Variants in PTPRA observed in about 807,000 individuals in gnomAD.
PTPRA encodes receptor-type tyrosine-protein phosphatase alpha.
PTPRA carries 25 observed loss-of-function variants against 104.8 expected under a neutral mutation model. That is an observed-to-expected ratio of 0.24 (90% CI 0.17 to 0.33). PTPRA has a LOEUF of 0.33. PTPRA is among the 10% of genes least tolerant of loss of function. PTPRA has a pLI of 1.00. For missense variants in PTPRA, 765 were observed against 1,015.3 expected (o/e 0.75, Z 3.35); for synonymous variants, 323 against 368.9 (o/e 0.88, Z 1.43).
At chr20:3,019,225 G>C (rs1353986168) in intron 13 of PTPRA, among the ~76,000 whole-genome samples, 2 of 145,252 alleles carry the variant, frequency 1.4e-5, no homozygotes, top group Non-Finnish European at 3.0e-5. Context: ...CCTCCCTCCC[G>C]GACGGGGCGG....
intron 3 of PTPRA, among the ~76,000 whole-genome samples, chr20:2,963,110 G>C (rs1316127883): frequency 6.6e-6 from 1 of 152,098 alleles, no homozygotes. Context: ...GGTTCGAGGT[G>C]GAATAAAGGT....
intron 9 of PTPRA, among the ~76,000 whole-genome samples, chr20:3,003,322 C>T (rs1349160808): frequency 6.6e-6 from 1 of 152,136 alleles, no homozygotes; most frequent in Non-Finnish European, 1.5e-5. Context: ...TGTTCCTCTA[C>T]TGCTGAATAC....
Position 3,032,887 on chromosome 20 carries a change from T to C in PTPRA, c.1921-2698T>C, listed in dbSNP as rs778419651. Among the ~76,000 whole-genome samples the C allele has an allele frequency of 3.7e-4, 56 of 150,906 alleles. 2 individuals carry two copies. The highest frequency in any genetic ancestry group is 6.4e-4 in the Non-Finnish European group (43 of 67,658). On this transcript the variant is annotated intron_variant, in intron 20 of 23. Coordinates refer to ENST00000399903, the MANE Select transcript of PTPRA (RefSeq NM_001385305.1). ...CACCAGTGACTGTCCTCTTGCCAAATCCAAAGGTCATTTCTCTTTTCTGAT... is the reference window on the plus strand; with the variant it reads ...CACCAGTGACTGTCCTCTTGCCAAACCCAAAGGTCATTTCTCTTTTCTGAT...
chr20:2,865,293 G>T, the PTPRA span: 1 of 1,614,118 alleles, frequency 6.2e-7, no homozygotes, highest in East Asian at 2.2e-5. This position sits in a 1 kb window ranked among gnomAD's most constrained non-coding sequence, Gnocchi z 5.2. Context: ...CAGCTGGCAC[G>T]TGACTTCCGC....
chr20:2,873,955 C>T lies in PTPRA; in HGVS notation c.-129+195C>T, dbSNP rs1600030673. On this transcript the variant is annotated intron_variant, in intron 1 of 23. Transcript: ENST00000399903. The surrounding 1 kb of genome is among the most constrained non-coding windows in gnomAD (Gnocchi z 4.4). ...GGGTCCGTCGCGGGGAGGGGGTCCC[C>T]GGAAACGTGCCGGCCCGAGTGCCGA... Among the ~76,000 whole-genome samples the T allele has an allele frequency of 6.6e-6, 1 of 152,132 alleles. No homozygotes were observed. Among genetic ancestry groups the T allele is most frequent in the Admixed American group, 6.5e-5 (1 of 15,282 alleles).
At chr20:3,000,268 A>G (rs2063572535) in intron 9 of PTPRA, among the ~76,000 whole-genome samples, 1 of 152,194 alleles carries the variant, frequency 6.6e-6, no homozygotes, top group Non-Finnish European at 1.5e-5. Flanking sequence ...AGTCTGGGTG[A>G]CAGAACAAGA....
Position 2,988,448 on chromosome 20 carries a change from A to C in PTPRA, c.712A>C (p.Asn238His). The change falls in exon 9 of 24, where the codon AAT becomes CAT. Residue 238 changes from asparagine to histidine, a missense_variant. Coordinates refer to ENST00000399903, the MANE Select transcript of PTPRA (RefSeq NM_001385305.1). The part of the protein sequence containing the change: ...EEINRRMADD[N>H]KLFREEFNAL... ...AATTAACCGGAGAATGGCAGACGAC[A>C]ATAAGCTCTTCAGGGAGGAATTCAA... 1 of 1,613,306 alleles carries C rather than the reference A, an allele frequency of 6.2e-7. No individual in the cohort carries two copies. Among genetic ancestry groups the C allele is most frequent in the Non-Finnish European group, 8.5e-7 (1 of 1,179,896 alleles).
At chr20:2,891,314 T>C (rs754477946) in intron 1 of PTPRA, among the ~76,000 whole-genome samples, 29 of 152,186 alleles carry the variant, frequency 1.9e-4, no homozygotes, top group Non-Finnish European at 4.1e-4. Flanking sequence ...TTCCCAACTT[T>C]AGATTCTGTG....
chr20:2,876,192 C>G (rs1264877122), intron 1 of PTPRA, among the ~76,000 whole-genome samples: 2 of 152,036 alleles, frequency 1.3e-5, no homozygotes, highest in Non-Finnish European at 1.5e-5. Flanking sequence ...CCTCTTAGAC[C>G]CAGAGGAAGG....
At chr20:2,922,692 C>T (rs1215698942) in intron 1 of PTPRA, among the ~76,000 whole-genome samples, 1 of 150,960 alleles carries the variant, frequency 6.6e-6, no homozygotes, top group East Asian at 1.9e-4. Context: ...AGCTGGAGTG[C>T]AGTGGCGCGA....
intron 17 of PTPRA, among the ~76,000 whole-genome samples, chr20:3,025,501 T>G (rs980659767): frequency 1.4e-5 from 2 of 147,154 alleles, no homozygotes; most frequent in Non-Finnish European, 3.0e-5. Flanking sequence ...AGATTCTGGG[T>G]TGGGGTGGGG....
chr20:2,938,228 A>G (rs1475820692), intron 2 of PTPRA, among the ~76,000 whole-genome samples: 3 of 152,150 alleles, frequency 2.0e-5, no homozygotes, highest in Admixed American at 2.0e-4. Flanking sequence ...TGTGTCACCC[A>G]GGCTGGAGGG....
chr20:2,973,352 T>A (rs2062272891), intron 5 of PTPRA, among the ~76,000 whole-genome samples: 1 of 152,212 alleles, frequency 6.6e-6, no homozygotes, highest in South Asian at 2.1e-4. Flanking sequence ...ATTAACATAT[T>A]TAGTGCTGTG....
intron 1 of PTPRA, among the ~76,000 whole-genome samples, chr20:2,884,078 C>T (rs2090230252): frequency 6.6e-6 from 1 of 152,108 alleles, no homozygotes; most frequent in African/African-American, 2.4e-5. Flanking sequence ...GTACTTCATT[C>T]CTTCTTATGG....
At position 2,902,010 on chromosome 20, in the gene PTPRA, C is replaced by T. The variant is rs1028739205; in HGVS notation, c.-128-21197C>T. Among the ~76,000 whole-genome samples, 5 of 152,046 alleles carry T rather than the reference C, an allele frequency of 3.3e-5. No individual in the cohort carries two copies. The Middle Eastern group carries it at 0.01, about 312-fold the overall frequency. On this transcript the variant is annotated intron_variant, in intron 1 of 23. Transcript: ENST00000399903. ...AAGTGATTCTCCTGCCTCAGCCTCC[C>T]GAGAACCTGGGACTACAGGTGAGCA...
chr20:2,977,368 GT>G (rs2148043770), intron 6 of PTPRA, among the ~76,000 whole-genome samples: 1 of 151,544 alleles, frequency 6.6e-6, no homozygotes, highest in Non-Finnish European at 1.5e-5. Context: ...TCTAGAAAGA[GT>G]TGATATTCTT....
chr20:2,957,254 G>A (rs867706032), intron 3 of PTPRA, among the ~76,000 whole-genome samples: 4 of 152,232 alleles, frequency 2.6e-5, no homozygotes, highest in African/African-American at 9.6e-5. Flanking sequence ...CACAACATTC[G>A]AGCCTGGGCG....
rs1473641248 is a variant in PTPRA at position 2,873,676 on chromosome 20, G to A, written c.-213G>A. ...CGCGGGCCGGGCGGCGGCCCTGAGG[G>A]CTAGTGGCGGCCCGAAACGCCGCCG... On this transcript the variant is annotated 5_prime_UTR_variant, in exon 1 of 24. Coordinates refer to ENST00000399903, the MANE Select transcript of PTPRA (RefSeq NM_001385305.1). The surrounding 1 kb of genome is among the most constrained non-coding windows in gnomAD (Gnocchi z 4.4). 1 of 150,712 alleles carries A rather than the reference G, an allele frequency of 6.6e-6. No individual in the cohort carries two copies. Among genetic ancestry groups the A allele is most frequent in the African/African-American group, 2.4e-5 (1 of 41,222 alleles). 9.3% of individuals were successfully genotyped at this position (150,712 alleles called of 1,614,324 possible).
At position 3,024,564 on chromosome 20, in the gene PTPRA, G is replaced by C; in HGVS notation, c.1557G>C (p.Gln519His). 6.2e-7 allele frequency: 1 copy of C among 1,614,162 alleles called. No homozygotes were observed. The highest frequency in any genetic ancestry group is 8.5e-7 in the Non-Finnish European group (1 of 1,180,026). ...LEVTSLETHL[Q>H]KIYNKIPGTS... ...TGACCTCTCTAGAAACCCACCTGCAGAAAATTTACAACAAAATCCCAGGGA... is the reference window on the plus strand; with the variant it reads ...TGACCTCTCTAGAAACCCACCTGCACAAAATTTACAACAAAATCCCAGGGA... The change falls in exon 17 of 24, where the codon CAG becomes CAC. Residue 519 changes from glutamine (Q) to histidine (H), a missense_variant. Physicochemically the swap from Gln to His is conservative, Grantham distance 24. Around this residue, in one of 4 missense-constraint regions of PTPRA, gnomAD observed 192 missense variants for 227.0 expected, o/e 0.85. Transcript: ENST00000399903.
Sources: allele counts gnomAD v4.1 joint callset (sites outside exome capture counted in the v4.1 genomes callset), GRCh38; gene constraint gnomAD v4.1.1; regional missense constraint gnomAD v4.1.1; non-coding constraint Gnocchi (gnomAD v3.1); transcripts MANE v1.5; gene names NCBI Gene and HGNC (gene_info 2026-07-23, HGNC 2026-07-21).